PRKG1: variants seen among roughly 807,000 people sequenced by gnomAD.
PRKG1 encodes the protein protein kinase cGMP-dependent 1.
In PRKG1, 35 loss-of-function variants were observed where a neutral mutation model predicts 88.1. The ratio of observed to expected loss-of-function variants is 0.40; its 90% confidence interval spans 0.30 to 0.53. The LOEUF is 0.53. Among genes scored for constraint, PRKG1 ranks in the 20% least tolerant of loss-of-function variants. The pLI is 0.59. For synonymous variants in PRKG1, 303 were observed against 292.5 expected, an observed-to-expected ratio of 1.04 and a Z score of -0.37; for missense variants, 540 against 839.8, an observed-to-expected ratio of 0.64 and a Z score of 4.41.
At chr10:51,901,975 T>G (rs1469731936) in intron 4 of PRKG1, among the ~76,000 whole-genome samples, 2 of 152,170 alleles carry the variant, frequency 1.3e-5, no homozygotes, top group Non-Finnish European at 2.9e-5. Flanking sequence ...GATATTTTGA[T>G]GCATTTTTAT....
At chr10:51,693,551 G>C (rs1841203026) in intron 3 of PRKG1, among the ~76,000 whole-genome samples, 1 of 151,890 alleles carries the variant, frequency 6.6e-6, no homozygotes, top group East Asian at 1.9e-4. Flanking sequence ...ACTGGGGCCT[G>C]CCAACATGCC....
At chr10:51,832,187 T>A (rs1308521291) in intron 4 of PRKG1, among the ~76,000 whole-genome samples, 1 of 152,166 alleles carries the variant, frequency 6.6e-6, no homozygotes, top group Non-Finnish European at 1.5e-5. Context: ...GGCTAAGAAA[T>A]TTTCCAATAT....
intron 1 of PRKG1, among the ~76,000 whole-genome samples, chr10:51,025,905 A>G (rs1843198040): frequency 6.6e-6 from 1 of 152,152 alleles, no homozygotes; most frequent in Non-Finnish European, 1.5e-5. Flanking sequence ...CCTTATTTGG[A>G]AATAGTCATT....
intron 2 of PRKG1, among the ~76,000 whole-genome samples, chr10:51,372,393 T>C (rs1436060125): frequency 1.3e-5 from 2 of 152,200 alleles, no homozygotes; most frequent in East Asian, 3.8e-4. Context: ...GCTAAATCAC[T>C]TTACTAATTC....
At chr10:51,365,810 T>C (rs1842576298) in intron 2 of PRKG1, among the ~76,000 whole-genome samples, 1 of 151,918 alleles carries the variant, frequency 6.6e-6, no homozygotes, top group Non-Finnish European at 1.5e-5. Context: ...TATATGCATA[T>C]TCTTACTAGT....
chr10:51,270,641 T>C (rs1839954535), intron 2 of PRKG1, among the ~76,000 whole-genome samples: 1 of 151,528 alleles, frequency 6.6e-6, no homozygotes, highest in Admixed American at 6.6e-5. Context: ...TTTTCACTGT[T>C]GTATGCTTTT....
chr10:51,623,066 G>C (rs1316332719), intron 3 of PRKG1, among the ~76,000 whole-genome samples: 1 of 152,152 alleles, frequency 6.6e-6, no homozygotes, highest in Non-Finnish European at 1.5e-5. Context: ...TTTTACATGT[G>C]AACATTTACA....
At chr10:52,154,197 A>G (rs1192908096) in intron 8 of PRKG1, among the ~76,000 whole-genome samples, 1 of 152,214 alleles carries the variant, frequency 6.6e-6, no homozygotes, top group Admixed American at 6.5e-5. Context: ...TATATACTTT[A>G]GGTTAAAATT....
chr10:52,167,758 G>A (rs1237460755), intron 9 of PRKG1, among the ~76,000 whole-genome samples: 1 of 152,122 alleles, frequency 6.6e-6, no homozygotes, highest in Non-Finnish European at 1.5e-5. Context: ...TAGTTCAGCT[G>A]CCCTAGGCTC....
At chr10:52,171,120 GGT>G (rs78819001) in intron 9 of PRKG1, among the ~76,000 whole-genome samples, 1 of 127,602 alleles carries the variant, frequency 7.8e-6, no homozygotes, top group African/African-American at 3.7e-5. Context: ...CTATCTTATT[GGT>G]GTGTTTTTTT....
At chr10:51,199,239 C>A (rs1426041261) in intron 2 of PRKG1, among the ~76,000 whole-genome samples, 1 of 152,166 alleles carries the variant, frequency 6.6e-6, no homozygotes, top group African/African-American at 2.4e-5. Flanking sequence ...TAATTAGAAT[C>A]TTCACTATGT....
intron 3 of PRKG1, among the ~76,000 whole-genome samples, chr10:51,645,564 A>G (rs1451580840): frequency 6.6e-6 from 1 of 152,208 alleles, no homozygotes; most frequent in Non-Finnish European, 1.5e-5. Context: ...TTAGAGTGTG[A>G]AATCTTAATT....
At chr10:51,460,264 C>A (rs1200428055) in intron 2 of PRKG1, among the ~76,000 whole-genome samples, 1 of 152,024 alleles carries the variant, frequency 6.6e-6, no homozygotes. Context: ...TAAAACATAA[C>A]AAAAATAAAA....
chr10:51,700,204 TG>T, intron 3 of PRKG1, among the ~76,000 whole-genome samples: 1 of 152,222 alleles, frequency 6.6e-6, no homozygotes, highest in Non-Finnish European at 1.5e-5. Context: ...GTGTGCCGGC[TG>T]GGCCCTGCCC....
In PRKG1 at chr10:52,280,778, C is replaced by A. The variant is rs1370086859; in HGVS notation, c.1404-11C>A. On this transcript the variant is annotated splice_polypyrimidine_tract_variant and intron_variant, in intron 12 of 17. Coordinates refer to ENST00000373980, the MANE Select transcript of PRKG1 (RefSeq NM_006258.4). ...TTTTTATACAATTTTCATTCCATTT[C>A]TGCACCTCAGAGGTTCGTTTGAAGA... 1 of 1,608,072 alleles carries A rather than the reference C, an allele frequency of 6.2e-7. No homozygotes were observed. The highest frequency in any genetic ancestry group is 8.5e-7 in the Non-Finnish European group (1 of 1,177,146).
At position 52,278,747 on chromosome 10, in the gene PRKG1, A is replaced by T. The variant is rs188011545; in HGVS notation, c.1404-2042A>T. Among the ~76,000 whole-genome samples, 11 of 151,976 alleles carry T rather than the reference A, an allele frequency of 7.2e-5. 1 individual carries two copies. In the East Asian group the frequency reaches 2.1e-3, roughly 30 times the overall value. ...TCGAACCCCCATCTCTACTAAACTT[A>T]AAAAAATTACATGGGCATGGTGGTG... is the stretch of plus-strand genomic sequence containing the variant. On this transcript the variant is annotated intron_variant, in intron 12 of 17. Coordinates refer to ENST00000373980, the MANE Select transcript of PRKG1 (RefSeq NM_006258.4).
chr10:51,447,629 C>T (rs1187440518), intron 2 of PRKG1, among the ~76,000 whole-genome samples: 1 of 97,268 alleles, frequency 1.0e-5, no homozygotes, highest in African/African-American at 5.8e-5. Flanking sequence ...CATTTCTCTC[C>T]ACCTCTTCCT....
At chr10:51,311,088 G>A (rs1004194225) in intron 2 of PRKG1, among the ~76,000 whole-genome samples, 1 of 152,126 alleles carries the variant, frequency 6.6e-6, no homozygotes, top group Admixed American at 6.5e-5. Context: ...AGTGTGTACA[G>A]CACTTTTCAC....
Position 51,393,431 on chromosome 10 carries a change from G to A in PRKG1, c.479-74292G>A, listed in dbSNP as rs145787558. Among the ~76,000 whole-genome samples, 18 of 152,240 alleles carry A rather than the reference G, an allele frequency of 1.2e-4. No homozygotes were observed. The East Asian group carries it at 3.5e-3, about 29-fold the overall frequency. On this transcript the variant is annotated intron_variant, in intron 2 of 17. Transcript: ENST00000373980. ...CTCCCAGACGATGGGCGGCCAGGCA[G>A]AGACGCTCCTCACTTCCCAGACGGG...
Sources: allele counts gnomAD v4.1 joint callset (sites outside exome capture counted in the v4.1 genomes callset), GRCh38; gene constraint gnomAD v4.1.1; transcripts MANE v1.5; gene names NCBI Gene and HGNC (gene_info 2026-07-23, HGNC 2026-07-21).